HPSE2: variants seen among roughly 807,000 people sequenced by gnomAD.
The protein encoded by HPSE2 is inactive heparanase-2.
A neutral mutation model predicts 60.5 loss-of-function variants in HPSE2; 38 were observed. That is an observed-to-expected ratio of 0.63 (90% CI 0.48 to 0.82). HPSE2 has a LOEUF of 0.82. Among genes scored for constraint, HPSE2 ranks in the 40% least tolerant of loss-of-function variants. The pLI is 0.00. For missense variants in HPSE2, 713 were observed against 740.4 expected, an observed-to-expected ratio of 0.96 and a Z score of 0.43; for synonymous variants, 295 against 293.2, an observed-to-expected ratio of 1.01 and a Z score of -0.06.
At chr10:98,960,701 C>CTTTTTTTTTTTATTTTTATTTTTTTTTTT (rs1955634019) in intron 3 of HPSE2, among the ~76,000 whole-genome samples, 1 of 57,566 alleles carries the variant, frequency 1.7e-5, no homozygotes, top group African/African-American at 8.4e-5. Flanking sequence ...ATGTACATTT[C>CTTTTTTTTTTTATTTTTATTTTTTTTTTT]TTTTTTTTTT....
chr10:98,878,859 C>G (rs1198335660), intron 3 of HPSE2, among the ~76,000 whole-genome samples: 4 of 151,714 alleles, frequency 2.6e-5, no homozygotes, highest in African/African-American at 9.7e-5. Flanking sequence ...GCAAATGCCC[C>G]AATAAACGAT....
At chr10:99,184,165 G>A (rs555489608) in intron 2 of HPSE2, among the ~76,000 whole-genome samples, 22 of 152,124 alleles carry the variant, frequency 1.4e-4, no homozygotes, top group Non-Finnish European at 3.1e-4. Context: ...TCCATAAAGA[G>A]GAGAAAAATC....
At chr10:99,119,104 G>GGAGGGAGGGAGA (rs1844841340) in intron 3 of HPSE2, among the ~76,000 whole-genome samples, 1 of 146,014 alleles carries the variant, frequency 6.8e-6, no homozygotes, top group Non-Finnish European at 1.5e-5. Flanking sequence ...AGAGAGGGAG[G>GGAGGGAGGGAGA]GAGGGAGGGA....
chr10:99,197,095 T>A (rs1564887203), intron 2 of HPSE2, among the ~76,000 whole-genome samples: 1 of 152,130 alleles, frequency 6.6e-6, no homozygotes, highest in Non-Finnish European at 1.5e-5. Flanking sequence ...ATAGAAATCA[T>A]TATGTTAAGT....
chr10:98,646,318 TTTTC>T (rs1946768300), intron 6 of HPSE2, among the ~76,000 whole-genome samples: 1 of 61,414 alleles, frequency 1.6e-5, no homozygotes. Context: ...TTTTTTTCTT[TTTTC>T]TTTTTTTTTT....
At chr10:98,898,885 C>CA (rs933442484) in intron 3 of HPSE2, among the ~76,000 whole-genome samples, 2 of 152,156 alleles carry the variant, frequency 1.3e-5, no homozygotes, top group Non-Finnish European at 2.9e-5. Context: ...AAAGGCAATT[C>CA]AGTGGAGAAA....
chr10:98,888,532 GAAC>G (rs1414973490), intron 3 of HPSE2, among the ~76,000 whole-genome samples: 2 of 152,104 alleles, frequency 1.3e-5, no homozygotes, highest in Admixed American at 6.6e-5. Context: ...TTTTGACCTT[GAAC>G]AAGTCAATTA....
At chr10:98,901,297 G>A (rs1953660019) in intron 3 of HPSE2, among the ~76,000 whole-genome samples, 1 of 152,134 alleles carries the variant, frequency 6.6e-6, no homozygotes, top group African/African-American at 2.4e-5. Flanking sequence ...TTACATGGTT[G>A]TATAAATTTG....
chr10:98,803,775 T>C (rs1950975246), intron 3 of HPSE2, among the ~76,000 whole-genome samples: 2 of 151,146 alleles, frequency 1.3e-5, no homozygotes, highest in African/African-American at 2.4e-5. Context: ...AGCTTTGTTC[T>C]TTTGGCTTAG....
the HPSE2 span, among the ~76,000 whole-genome samples, chr10:99,283,190 TAAAAAAAAAAAAAAA>T: frequency 2.5e-5 from 1 of 39,668 alleles, no homozygotes. Context: ...CGTCTCAGGT[TAAAAAAAAAAAAAAA>T]AAAAAAAAAA....
intron 7 of HPSE2, among the ~76,000 whole-genome samples, chr10:98,629,463 G>A (rs1216147056): frequency 6.6e-6 from 1 of 152,154 alleles, no homozygotes; most frequent in Non-Finnish European, 1.5e-5. Context: ...TGGTCAAGGC[G>A]AGAGCTCTGT....
intron 2 of HPSE2, among the ~76,000 whole-genome samples, chr10:99,204,024 G>A (rs1237659474): frequency 1.3e-5 from 2 of 152,134 alleles, no homozygotes; most frequent in African/African-American, 4.8e-5. Context: ...GGATCTTATA[G>A]ACACAGACTC....
At chr10:98,711,156 T>C (rs763084631) in intron 5 of HPSE2, among the ~76,000 whole-genome samples, 5 of 152,042 alleles carry the variant, frequency 3.3e-5, no homozygotes, top group Non-Finnish European at 5.9e-5. Flanking sequence ...TAGAAGATCA[T>C]GATACACACC....
At chr10:98,815,189 G>A (rs1424087442) in intron 3 of HPSE2, among the ~76,000 whole-genome samples, 2 of 152,184 alleles carry the variant, frequency 1.3e-5, no homozygotes, top group African/African-American at 4.8e-5. Flanking sequence ...GGCTGAGGCA[G>A]GAGGATCACT....
chr10:99,096,467 G>A (rs916548954), intron 3 of HPSE2, among the ~76,000 whole-genome samples: 49 of 152,020 alleles, frequency 3.2e-4, no homozygotes. Context: ...CAAGGTTGTC[G>A]AACAATGTTC....
the HPSE2 span, among the ~76,000 whole-genome samples, chr10:99,298,277 C>G: frequency 6.6e-6 from 1 of 152,236 alleles, no homozygotes; most frequent in Non-Finnish European, 1.5e-5. Context: ...TTAACAGCCA[C>G]CTAACTGCCC....
At chr10:98,691,941 C>T (rs1040078597) in intron 6 of HPSE2, among the ~76,000 whole-genome samples, 1 of 151,896 alleles carries the variant, frequency 6.6e-6, no homozygotes, top group African/African-American at 2.4e-5. Context: ...TAGTAAATGC[C>T]TAATAAACTA....
Position 99,153,632 on chromosome 10 carries a change from T to C in HPSE2, c.449-9233A>G, listed in dbSNP as rs1279411397. ...ACCATCATCAAAGACCAAAAGTAGA[T>C]AAAACCACAAAGATGGGGAAAAAAC... On this transcript the variant is annotated intron_variant, in intron 2 of 11. Transcript: ENST00000370552. 2.6e-5 allele frequency among the ~76,000 whole-genome samples: 4 copies of C among 151,938 alleles called. No individual in the cohort carries two copies. The South Asian group carries it at 8.3e-4, about 32-fold the overall frequency.
chr10:98,570,761 C>G (rs1027351934), intron 9 of HPSE2, among the ~76,000 whole-genome samples: 6 of 152,106 alleles, frequency 3.9e-5, no homozygotes, highest in African/African-American at 1.4e-4. Context: ...GGACAACCAA[C>G]CTGGATAGGT....
Sources: allele counts gnomAD v4.1 joint callset (sites outside exome capture counted in the v4.1 genomes callset), GRCh38; gene constraint gnomAD v4.1.1; transcripts MANE v1.5; gene names NCBI Gene and HGNC (gene_info 2026-07-23, HGNC 2026-07-21).